Variants in EPB41L4A observed in about 807,000 individuals in gnomAD.
EPB41L4A encodes the protein erythrocyte membrane protein band 4.1 like 4A.
In EPB41L4A, 100 loss-of-function variants were observed where a neutral mutation model predicts 108.6. That is an observed-to-expected ratio of 0.92 (90% CI 0.78 to 1.09). EPB41L4A has a LOEUF of 1.09. Ranked by LOEUF, EPB41L4A falls within the 50% of genes least tolerant of loss-of-function variation. EPB41L4A has a pLI of 0.00. For synonymous variants in EPB41L4A, 319 were observed against 289.0 expected (o/e 1.10, Z -1.05); for missense variants, 1,030 against 842.7 (o/e 1.22, Z -2.75).
intron 22 of EPB41L4A, among the ~76,000 whole-genome samples, chr5:112,167,356 G>A (rs530207329): frequency 2.0e-5 from 3 of 152,118 alleles, no homozygotes; most frequent in Non-Finnish European, 4.4e-5. Flanking sequence ...TAAACCAATC[G>A]TCTATTTGGA....
intron 1 of EPB41L4A, among the ~76,000 whole-genome samples, chr5:112,403,827 A>G (rs1008896104): frequency 3.3e-5 from 5 of 152,052 alleles, no homozygotes; most frequent in African/African-American, 1.2e-4. Flanking sequence ...AATTAAATGT[A>G]CCTCTTTATG....
rs1433886105 is a variant in EPB41L4A at position 112,195,546 on chromosome 5, T to G, written c.1424+115A>C. On this transcript the variant is annotated intron_variant, in intron 16 of 22. Transcript: ENST00000261486. ...AATCAGCTGAAGACAAACTGGCTTTTGAAAGTAAAAAAAATAAAAAAAAAT... is the reference window on the plus strand; with the variant it reads ...AATCAGCTGAAGACAAACTGGCTTTGGAAAGTAAAAAAAATAAAAAAAAAT... 15 of 866,430 alleles carry G rather than the reference T, an allele frequency of 1.7e-5. 1 individual carries two copies. In the Admixed American group the frequency reaches 3.1e-4, roughly 18 times the overall value. The allele number at this position is 866,430 out of a possible 1,614,324, so 53.7% of individuals were successfully genotyped here.
At chr5:112,259,857 T>A in intron 8 of EPB41L4A, 34 bp downstream of exon 8, 1 of 1,544,102 alleles carries the variant, frequency 6.5e-7, no homozygotes, top group Non-Finnish European at 9.0e-7. Context: ...GCCCAAAACA[T>A]AGAATGCCAA....
intron 1 of EPB41L4A, among the ~76,000 whole-genome samples, chr5:112,332,512 A>G (rs1479020511): frequency 6.6e-6 from 1 of 152,202 alleles, no homozygotes; most frequent in Non-Finnish European, 1.5e-5. Context: ...AGAGAGATGC[A>G]TGGCACCAAT....
intron 1 of EPB41L4A, among the ~76,000 whole-genome samples, chr5:112,345,076 G>T (rs1453678649): frequency 2.0e-5 from 3 of 152,106 alleles, no homozygotes; most frequent in Non-Finnish European, 4.4e-5. Context: ...ATATTATAAT[G>T]ACTTGGTATT....
intron 1 of EPB41L4A, among the ~76,000 whole-genome samples, chr5:112,376,901 G>A (rs911313109): frequency 2.0e-5 from 3 of 152,134 alleles, no homozygotes; most frequent in Admixed American, 6.6e-5. Context: ...AAGAGAGTAC[G>A]TCTATAAAAG....
At chr5:112,228,865 G>C (rs913542996) in intron 12 of EPB41L4A, 4 of 350,254 alleles carry the variant, frequency 1.1e-5, no homozygotes, top group Non-Finnish European at 1.6e-5. Flanking sequence ...CTCTGGGTGG[G>C]GAAGCAGGCA....
At chr5:112,358,759 G>A (rs532166855) in intron 1 of EPB41L4A, among the ~76,000 whole-genome samples, 1 of 152,280 alleles carries the variant, frequency 6.6e-6, no homozygotes, top group African/African-American at 2.4e-5. Context: ...ATACAAGAAT[G>A]TTCAGGGCAG....
At chr5:112,186,408 G>A (rs924057451) in intron 17 of EPB41L4A, among the ~76,000 whole-genome samples, 86 of 152,130 alleles carry the variant, frequency 5.7e-4, no homozygotes, top group African/African-American at 2.0e-3. Flanking sequence ...TAAAACTCCT[G>A]AGACATAAGC....
intron 1 of EPB41L4A, among the ~76,000 whole-genome samples, chr5:112,358,545 C>G (rs931615131): frequency 6.6e-6 from 1 of 152,186 alleles, no homozygotes; most frequent in East Asian, 1.9e-4. Flanking sequence ...AGTTTAACAG[C>G]TGGATGATAC....
chr5:112,256,099 T>A (rs1213762772), intron 9 of EPB41L4A, among the ~76,000 whole-genome samples: 1 of 152,190 alleles, frequency 6.6e-6, no homozygotes, highest in African/African-American at 2.4e-5. Flanking sequence ...GACACTATCA[T>A]CTCTTGCCTG....
In EPB41L4A at chr5:112,360,562, C is replaced by G. The variant is rs1261977380; in HGVS notation, c.100-53072G>C. 4.6e-5 allele frequency among the ~76,000 whole-genome samples: 7 copies of G among 152,332 alleles called. No homozygotes were observed. The East Asian group carries it at 7.7e-4, about 17-fold the overall frequency. ...GGTGCCGGGATTGCAGACGGAGTCT[C>G]GCTCACTCAGTGCTCAATGTTGCCC... On this transcript the variant is annotated intron_variant, in intron 1 of 22. Transcript: ENST00000261486.
At chr5:112,373,993 G>T (rs1005076861) in intron 1 of EPB41L4A, among the ~76,000 whole-genome samples, 2 of 152,212 alleles carry the variant, frequency 1.3e-5, no homozygotes, top group African/African-American at 4.8e-5. Flanking sequence ...GTAAAAGAGA[G>T]CAACTCATGT....
intron 2 of EPB41L4A, among the ~76,000 whole-genome samples, chr5:112,287,044 G>T (rs1753332412): frequency 6.6e-6 from 1 of 152,096 alleles, no homozygotes; most frequent in South Asian, 2.1e-4. Flanking sequence ...TTCAAAATCT[G>T]TTGCTGGTTG....
chr5:112,164,850 AAGCAAAAGATAATGT>A lies in EPB41L4A; in HGVS notation c.*125_*139del. On this transcript the variant is annotated 3_prime_UTR_variant, in exon 23 of 23. Coordinates refer to ENST00000261486, the MANE Select transcript of EPB41L4A (RefSeq NM_022140.5). Reference sequence around the variant, plus strand: ...ACATCTCAAAAAAAAAAAAAAAAAGAAGCAAAAGATAATGTATTTTCTCATGCTGAAGAAATACTT... The same window carrying A: ...ACATCTCAAAAAAAAAAAAAAAAAGAATTTTCTCATGCTGAAGAAATACTT... 3.2e-6 allele frequency: 3 copies of A among 936,656 alleles called. No homozygotes were observed. In the Admixed American group the frequency reaches 8.8e-5, roughly 27 times the overall value. The allele number at this position is 936,656 out of a possible 1,614,324, so 58.0% of individuals were successfully genotyped here.
rs370414166 is a variant in EPB41L4A, at chr5:112,264,883, T to C, written c.554+13A>G. On this transcript the variant is annotated intron_variant, in intron 6 of 22. Coordinates refer to ENST00000261486, the MANE Select transcript of EPB41L4A (RefSeq NM_022140.5). ...ATGGATGATGCAATAAGACATGGTG[T>C]AATGATTCTTACATTAGAGTTTTAT... 3.2e-5 allele frequency: 52 copies of C among 1,606,422 alleles called. No homozygotes were observed. The highest frequency in any genetic ancestry group is 4.2e-5 in the Non-Finnish European group (50 of 1,177,892).
chr5:112,395,698 G>C (rs1351853394), intron 1 of EPB41L4A, among the ~76,000 whole-genome samples: 1 of 152,132 alleles, frequency 6.6e-6, no homozygotes, highest in Non-Finnish European at 1.5e-5. Flanking sequence ...AATTCCTCAA[G>C]GAATCTAGAA....
At chr5:112,202,901 G>C (rs1373760018) in intron 15 of EPB41L4A, among the ~76,000 whole-genome samples, 1 of 152,066 alleles carries the variant, frequency 6.6e-6, no homozygotes, top group Non-Finnish European at 1.5e-5. Context: ...GAAACTTCTT[G>C]TAAGTATAAA....
At chr5:112,339,103 G>T (rs1039090197) in intron 1 of EPB41L4A, among the ~76,000 whole-genome samples, 2 of 152,136 alleles carry the variant, frequency 1.3e-5, no homozygotes, top group East Asian at 1.9e-4. Context: ...CAGGCCTGGC[G>T]ACTGGGTTTA....
Sources: allele counts gnomAD v4.1 joint callset (sites outside exome capture counted in the v4.1 genomes callset), GRCh38; gene constraint gnomAD v4.1.1; transcripts MANE v1.5; gene names NCBI Gene and HGNC (gene_info 2026-07-23, HGNC 2026-07-21).